Variants in FOXP1 observed in about 807,000 individuals in gnomAD.
The protein encoded by FOXP1 is forkhead box protein P1.
A neutral mutation model predicts 98.2 loss-of-function variants in FOXP1; 15 were observed. The observed-to-expected ratio is 0.15, with a 90% CI of 0.10 to 0.24. FOXP1 has a LOEUF of 0.24. Among genes scored for constraint, FOXP1 ranks in the 10% least tolerant of loss-of-function variants. The pLI is 1.00. For synonymous variants in FOXP1, 371 were observed against 314.5 expected (o/e 1.18, Z -1.90); for missense variants, 633 against 848.5 (o/e 0.75, Z 3.15).
chr3:71,438,014 A>G (rs943331168), intron 3 of FOXP1, among the ~76,000 whole-genome samples: 1 of 152,238 alleles, frequency 6.6e-6, no homozygotes, highest in Non-Finnish European at 1.5e-5. Flanking sequence ...TTTCCAGAAG[A>G]AATGTATTTA....
chr3:71,023,762 TA>T (rs1358329289), intron 11 of FOXP1, among the ~76,000 whole-genome samples: 1 of 152,238 alleles, frequency 6.6e-6, no homozygotes, highest in East Asian at 1.9e-4. Context: ...TCTGAAAATA[TA>T]ATCAGACTTC....
chr3:71,223,997 T>G (rs1201587829), intron 5 of FOXP1, among the ~76,000 whole-genome samples: 3 of 152,174 alleles, frequency 2.0e-5, no homozygotes, highest in Non-Finnish European at 4.4e-5. Flanking sequence ...AGTTGCTAAT[T>G]TCTTCCTCCT....
chr3:71,349,596 A>G (rs890617547), intron 4 of FOXP1, among the ~76,000 whole-genome samples: 2 of 152,156 alleles, frequency 1.3e-5, no homozygotes, highest in African/African-American at 2.4e-5. Context: ...AAATCTCACC[A>G]TCTTTAATAT....
chr3:71,114,714 C>T (rs1260420879), intron 6 of FOXP1, among the ~76,000 whole-genome samples: 2 of 152,100 alleles, frequency 1.3e-5, no homozygotes, highest in African/African-American at 2.4e-5. Flanking sequence ...GAGACAGATT[C>T]GACAAGGCCT....
intron 5 of FOXP1, among the ~76,000 whole-genome samples, chr3:71,236,873 A>G (rs1343165819): frequency 6.6e-6 from 1 of 151,592 alleles, no homozygotes; most frequent in Admixed American, 6.6e-5. Context: ...ATCCTGTCTT[A>G]AGGAAAAAAA....
At chr3:70,960,472 T>C (rs553169106) in intron 20 of FOXP1, among the ~76,000 whole-genome samples, 4 of 152,312 alleles carry the variant, frequency 2.6e-5, no homozygotes, top group Non-Finnish European at 4.4e-5. Flanking sequence ...TATTGAGAAA[T>C]GTTGTTCGTA....
chr3:71,500,849 A>T (rs572387070), intron 2 of FOXP1, among the ~76,000 whole-genome samples: 2 of 152,096 alleles, frequency 1.3e-5, no homozygotes, highest in Non-Finnish European at 2.9e-5. Context: ...TCATAGTCAC[A>T]TGTAAGGGAA....
intron 6 of FOXP1, among the ~76,000 whole-genome samples, chr3:71,150,654 T>C (rs968448752): frequency 6.6e-6 from 1 of 152,146 alleles, no homozygotes; most frequent in Admixed American, 6.5e-5. Context: ...TACTAGAATT[T>C]CCCCTTTGTT....
chr3:71,325,597 G>A (rs1046154043), intron 4 of FOXP1, among the ~76,000 whole-genome samples: 2 of 151,924 alleles, frequency 1.3e-5, no homozygotes, highest in Non-Finnish European at 1.5e-5. Context: ...TACCAGCATG[G>A]CCCTTGAAGC....
intron 5 of FOXP1, among the ~76,000 whole-genome samples, chr3:71,287,576 T>C (rs1281935356): frequency 6.6e-6 from 1 of 152,042 alleles, no homozygotes; most frequent in Admixed American, 6.6e-5. Flanking sequence ...GATCAGCAGT[T>C]TGAGACCAGC....
intron 11 of FOXP1, among the ~76,000 whole-genome samples, chr3:71,019,840 C>CA (rs1409684261): frequency 6.8e-6 from 1 of 147,454 alleles, no homozygotes; most frequent in Non-Finnish European, 1.5e-5. Flanking sequence ...CGGTCCCCCC[C>CA]CCAAAAAAAA....
chr3:71,462,021 C>T (rs557133544), intron 3 of FOXP1, among the ~76,000 whole-genome samples: 3 of 152,084 alleles, frequency 2.0e-5, no homozygotes, highest in Non-Finnish European at 4.4e-5. Context: ...CAAGGACGTC[C>T]CATAAAACTG....
chr3:71,486,901 G>C (rs545982770), intron 3 of FOXP1, among the ~76,000 whole-genome samples: 1 of 152,246 alleles, frequency 6.6e-6, no homozygotes, highest in South Asian at 2.1e-4. Context: ...CTTCCTCCCT[G>C]GTACAGCTTG....
intron 5 of FOXP1, among the ~76,000 whole-genome samples, chr3:71,221,458 G>A (rs2065374383): frequency 6.6e-6 from 1 of 152,266 alleles, no homozygotes; most frequent in East Asian, 1.9e-4. Context: ...CGAAGATGGC[G>A]AAGCAAAAGG....
chr3:71,246,305 C>A (rs955899315), intron 5 of FOXP1, among the ~76,000 whole-genome samples: 1 of 152,160 alleles, frequency 6.6e-6, no homozygotes, highest in African/African-American at 2.4e-5. Context: ...CTGCGAGAAC[C>A]CGAGAAACCT....
At chr3:71,406,405 G>GTATATATATATCTATATATATATATATA (rs2082340630) in intron 3 of FOXP1, among the ~76,000 whole-genome samples, 1 of 105,948 alleles carries the variant, frequency 9.4e-6, no homozygotes, top group Admixed American at 9.4e-5. Context: ...AACTGTATGT[G>GTATATATATATCTATATATATATATATA]TATATATATA....
At chr3:70,976,698 G>C (rs2037620067) in intron 17 of FOXP1, among the ~76,000 whole-genome samples, 1 of 152,176 alleles carries the variant, frequency 6.6e-6, no homozygotes, top group Admixed American at 6.5e-5. Flanking sequence ...TCCAACCAGA[G>C]AGAGATCACT....
chr3:71,012,046 C>G lies in FOXP1; in HGVS notation c.974+3503G>C, dbSNP rs185247078. ...ATTTTTTACGGTAGGCATAAGTTAG[C>G]CATTAACAAAATGTTTAAAATGGGT... On this transcript the variant is annotated intron_variant, in intron 12 of 20. Transcript: ENST00000649528. 1.2e-4 allele frequency among the ~76,000 whole-genome samples: 18 copies of G among 152,202 alleles called. 1 individual carries two copies. Among genetic ancestry groups the G allele is most frequent in the Admixed American group, 1.2e-3 (18 of 15,266 alleles).
chr3:71,408,444 G>A (rs1027907201), intron 3 of FOXP1, among the ~76,000 whole-genome samples: 5 of 152,154 alleles, frequency 3.3e-5, no homozygotes, highest in Admixed American at 6.6e-5. Flanking sequence ...GCACATTCAC[G>A]AGGTTTTTAA....
Sources: allele counts gnomAD v4.1 joint callset (sites outside exome capture counted in the v4.1 genomes callset), GRCh38; gene constraint gnomAD v4.1.1; transcripts MANE v1.5; gene names NCBI Gene and HGNC (gene_info 2026-07-23, HGNC 2026-07-21).